Variants in MIPEP observed in about 807,000 individuals in gnomAD.
The protein encoded by MIPEP is mitochondrial intermediate peptidase.
Under a neutral mutation model 90.3 loss-of-function variants are expected in MIPEP, and 79 were observed. The observed-to-expected ratio is 0.87, with a 90% CI of 0.73 to 1.05. The LOEUF is 1.05. Among genes scored for constraint, MIPEP ranks in the 50% least tolerant of loss-of-function variants. MIPEP has a pLI of 0.00. For missense variants in MIPEP, 940 were observed against 905.6 expected (o/e 1.04, Z -0.49); for synonymous variants, 334 against 315.8 (o/e 1.06, Z -0.61).
chr13:23,735,860 T>C (rs972790334), intron 18 of MIPEP, among the ~76,000 whole-genome samples: 1 of 152,102 alleles, frequency 6.6e-6, no homozygotes, highest in African/African-American at 2.4e-5. Flanking sequence ...GATTTAAATG[T>C]TCTGCGAGTG....
At chr13:23,817,787 A>G (rs7336384) in intron 14 of MIPEP, among the ~76,000 whole-genome samples, 36,816 of 151,854 alleles carry the variant, frequency 0.24, 5,415 homozygotes, top group African/African-American at 0.41. Context: ...AGGCACTTCC[A>G]TCCAAAATTT....
intron 16 of MIPEP, among the ~76,000 whole-genome samples, chr13:23,771,564 C>CAA: frequency 7.0e-6 from 1 of 142,924 alleles, no homozygotes; most frequent in South Asian, 2.2e-4. Context: ...CACACACACA[C>CAA]ACACATCTGC....
At chr13:23,807,801 A>G (rs376948562) in intron 15 of MIPEP, among the ~76,000 whole-genome samples, 25 of 152,346 alleles carry the variant, frequency 1.6e-4, no homozygotes, top group African/African-American at 6.0e-4. Context: ...AGAATTCAAG[A>G]GTTTCATTTC....
intron 14 of MIPEP, among the ~76,000 whole-genome samples, chr13:23,827,733 G>A (rs1304390114): frequency 6.6e-6 from 1 of 152,032 alleles, no homozygotes; most frequent in African/African-American, 2.4e-5. Context: ...GGAGCTCAAG[G>A]CCAGCCTGGC....
intron 1 of MIPEP, among the ~76,000 whole-genome samples, chr13:23,886,786 C>T (rs905321188): frequency 6.6e-6 from 1 of 151,848 alleles, no homozygotes; most frequent in Non-Finnish European, 1.5e-5. Context: ...GTCACTTCTA[C>T]AGAACCTAAG....
At chr13:23,742,102 C>T (rs1952337004) in intron 18 of MIPEP, among the ~76,000 whole-genome samples, 1 of 152,170 alleles carries the variant, frequency 6.6e-6, no homozygotes, top group African/African-American at 2.4e-5. Flanking sequence ...CTCAGGGGCA[C>T]TGTGCTGGTG....
At chr13:23,833,957 G>A (rs1277098462) in intron 14 of MIPEP, among the ~76,000 whole-genome samples, 1 of 152,088 alleles carries the variant, frequency 6.6e-6, no homozygotes, top group Non-Finnish European at 1.5e-5. Flanking sequence ...CCCACACTAA[G>A]TGGCGCCTCC....
intron 16 of MIPEP, among the ~76,000 whole-genome samples, chr13:23,798,581 C>T (rs559432503): frequency 5.3e-5 from 8 of 152,126 alleles, no homozygotes; most frequent in Non-Finnish European, 1.2e-4. Context: ...AATTGTAATC[C>T]ACAACATTGG....
At chr13:23,824,438 A>G (rs1055424595) in intron 14 of MIPEP, among the ~76,000 whole-genome samples, 3 of 152,206 alleles carry the variant, frequency 2.0e-5, no homozygotes, top group African/African-American at 7.2e-5. Flanking sequence ...GAAGCAGAGA[A>G]CTCCTACTGC....
chr13:23,838,668 T>G (rs1388801064), intron 12 of MIPEP, among the ~76,000 whole-genome samples: 1 of 152,172 alleles, frequency 6.6e-6, no homozygotes, highest in East Asian at 1.9e-4. Flanking sequence ...CAAGGACACC[T>G]AGCTAGAACT....
intron 4 of MIPEP, among the ~76,000 whole-genome samples, chr13:23,878,449 G>C (rs752672725): frequency 6.6e-6 from 1 of 152,020 alleles, no homozygotes; most frequent in Non-Finnish European, 1.5e-5. Flanking sequence ...CTTCATTTGG[G>C]GTCAATAAGC....
At chr13:23,834,723 TCCCCCAGGG>T (rs1470455517) in intron 14 of MIPEP, among the ~76,000 whole-genome samples, 3 of 152,038 alleles carry the variant, frequency 2.0e-5, no homozygotes, top group African/African-American at 4.8e-5. Flanking sequence ...CCTCCCCAGT[TCCCCCAGGG>T]CCCTCGTGGC....
chr13:23,864,340 A>C, intron 7 of MIPEP, 151 bp from the exon 8 acceptor site: 1 of 589,430 alleles, frequency 1.7e-6, no homozygotes, highest in South Asian at 2.5e-5. Context: ...AACATATACC[A>C]AACATATAGT....
intron 18 of MIPEP, among the ~76,000 whole-genome samples, chr13:23,731,988 T>G (rs1952211334): frequency 6.8e-6 from 1 of 146,274 alleles, no homozygotes; most frequent in Non-Finnish European, 1.5e-5. Flanking sequence ...TTTTTTTTTT[T>G]TTTTTTAAAG....
intron 1 of MIPEP, 194 bp downstream of exon 1, chr13:23,888,938 C>A: frequency 1.8e-6 from 1 of 544,486 alleles, no homozygotes; most frequent in Non-Finnish European, 2.8e-6. Flanking sequence ...GGTAGGAGAC[C>A]ACTAAACCCG....
At chr13:23,799,678 G>T (rs1056776988) in intron 16 of MIPEP, among the ~76,000 whole-genome samples, 1 of 152,206 alleles carries the variant, frequency 6.6e-6, no homozygotes, top group African/African-American at 2.4e-5. Context: ...ATGCCAGTTT[G>T]TTGCTGGATG....
rs1000987273 is a variant in MIPEP at position 23,754,797 on chromosome 13, C to T, written c.2044+1748G>A. Among the ~76,000 whole-genome samples the T allele has an allele frequency of 2.6e-5, 4 of 152,260 alleles. No individual in the cohort carries two copies. In the East Asian group the frequency reaches 7.7e-4, roughly 29 times the overall value. ...TCCGCCTTAGCTCGGGGTGGGCTGG[C>T]GCTACCAACCACCAGCCAAAAGTAT... is the stretch of plus-strand genomic sequence containing the variant. On this transcript the variant is annotated intron_variant, in intron 18 of 18. Coordinates refer to ENST00000382172, the MANE Select transcript of MIPEP (RefSeq NM_005932.4).
intron 16 of MIPEP, among the ~76,000 whole-genome samples, chr13:23,780,123 G>C (rs1272103316): frequency 6.6e-6 from 1 of 152,228 alleles, no homozygotes; most frequent in African/African-American, 2.4e-5. Context: ...TCCCAGCATG[G>C]AGTTTGAGAT....
chr13:23,834,441 C>A (rs1868929002), intron 14 of MIPEP, among the ~76,000 whole-genome samples: 1 of 152,168 alleles, frequency 6.6e-6, no homozygotes, highest in African/African-American at 2.4e-5. Context: ...GGCGGTAACA[C>A]CCTAGTCAGG....
Sources: gnomAD v4.1 joint callset for allele counts (sites outside exome capture counted in the v4.1 genomes callset) on GRCh38, gnomAD v4.1.1 for gene constraint, MANE v1.5 for transcripts, NCBI Gene and HGNC (gene_info 2026-07-23, HGNC 2026-07-21) for gene names.